Variants in DYRK1A observed in about 807,000 individuals in gnomAD.
DYRK1A encodes dual specificity tyrosine phosphorylation regulated kinase 1A, also known as dual specificity tyrosine-phosphorylation-regulated kinase 1A.
Under a neutral mutation model 79.7 loss-of-function variants are expected in DYRK1A, and 9 were observed. The ratio of observed to expected loss-of-function variants is 0.11; its 90% CI spans 0.07 to 0.20. The LOEUF is 0.20. DYRK1A is among the 10% of genes least tolerant of loss of function. DYRK1A has a pLI of 1.00. For missense variants in DYRK1A, 622 were observed against 956.0 expected (o/e 0.65, Z 4.61); for synonymous variants, 349 against 329.7 (o/e 1.06, Z -0.63).
At chr21:37,458,959 T>G (rs2051750001) in intron 2 of DYRK1A, among the ~76,000 whole-genome samples, 1 of 152,212 alleles carries the variant, frequency 6.6e-6, no homozygotes, top group Admixed American at 6.5e-5. Flanking sequence ...AGTCACTGAA[T>G]GTGCTTGCCG....
At chr21:37,422,092 A>G (rs2050491707) in intron 2 of DYRK1A, among the ~76,000 whole-genome samples, 1 of 152,180 alleles carries the variant, frequency 6.6e-6, no homozygotes, top group Non-Finnish European at 1.5e-5. Flanking sequence ...AGTTAATTTT[A>G]TGAATGCTAG....
At chr21:37,373,795 G>A (rs2049481638) in intron 1 of DYRK1A, among the ~76,000 whole-genome samples, 1 of 152,186 alleles carries the variant, frequency 6.6e-6, no homozygotes, top group Admixed American at 6.5e-5. Flanking sequence ...GTCTTTGATA[G>A]GTGACTATTT....
At chr21:37,390,043 C>T (rs546932663) in intron 1 of DYRK1A, among the ~76,000 whole-genome samples, 23 of 152,092 alleles carry the variant, frequency 1.5e-4, no homozygotes, top group Admixed American at 1.2e-3. Context: ...CCTGCCTCAG[C>T]CTCCCAAAGT....
chr21:37,366,201 GC>G (rs2049298792), upstream of DYRK1A: 2 of 150,890 alleles, frequency 1.3e-5, no homozygotes, highest in African/African-American at 4.9e-5. Context: ...AGCCCTCCAG[GC>G]CCGGGCGCGC....
At chr21:37,450,644 G>A (rs2051416705) in intron 2 of DYRK1A, among the ~76,000 whole-genome samples, 1 of 152,176 alleles carries the variant, frequency 6.6e-6, no homozygotes, top group South Asian at 2.1e-4. Context: ...TCTAGCCTTG[G>A]GCAGGGGTTT....
chr21:37,435,850 T>C (rs2050909006), intron 2 of DYRK1A, among the ~76,000 whole-genome samples: 1 of 152,228 alleles, frequency 6.6e-6, no homozygotes, highest in South Asian at 2.1e-4. Flanking sequence ...TCTTCTTCTG[T>C]TGAATTTGAA....
At chr21:37,490,057 CTT>C in intron 6 of DYRK1A, 116 bp from the exon 7 acceptor site, 1 of 1,073,228 alleles carries the variant, frequency 9.3e-7, no homozygotes, top group Non-Finnish European at 1.3e-6. Context: ...GATCTCCAAA[CTT>C]TAACTGAACT....
chr21:37,378,454 C>T (rs1440020046), intron 1 of DYRK1A, among the ~76,000 whole-genome samples: 1 of 152,200 alleles, frequency 6.6e-6, no homozygotes, highest in African/African-American at 2.4e-5. Context: ...ATTGCTTGAA[C>T]CTGGGAGGCG....
rs148783561 is a variant in DYRK1A at position 37,523,320 on chromosome 21, G to A, written c.*10789G>A. The A allele has an allele frequency of 1.8e-3, 269 of 152,498 alleles. 2 individuals are homozygous for A. Among genetic ancestry groups the A allele is most frequent in the Middle Eastern group, 3.4e-3 (1 of 294 alleles). The allele number at this position is 152,498 out of a possible 1,614,324, so 9.4% of individuals were successfully genotyped here. A position where few individuals can be genotyped will look rare whatever the true frequency, so the allele number is the denominator to read the frequency against. On this transcript the variant is annotated 3_prime_UTR_variant, in exon 12 of 12. Coordinates refer to ENST00000647188, the MANE Select transcript of DYRK1A (RefSeq NM_001347721.2). ...CCTCCCATTACGGGCAGGAGCCACT[G>A]CACACAGCTGATGAATTTTCGTTTA...
intron 2 of DYRK1A, among the ~76,000 whole-genome samples, chr21:37,471,267 A>G (rs1029119618): frequency 6.6e-6 from 1 of 152,228 alleles, no homozygotes; most frequent in Non-Finnish European, 1.5e-5. Context: ...AAGATTGGGC[A>G]GCTGTAAGGG....
chr21:37,379,144 T>C (rs1190261787), intron 1 of DYRK1A, among the ~76,000 whole-genome samples: 1 of 152,004 alleles, frequency 6.6e-6, no homozygotes, highest in Admixed American at 6.6e-5. Flanking sequence ...GTCTTAATAT[T>C]ATAAAGATAT....
intron 4 of DYRK1A, among the ~76,000 whole-genome samples, chr21:37,479,527 T>G (rs530324516): frequency 4.6e-5 from 7 of 151,650 alleles, no homozygotes; most frequent in African/African-American, 9.7e-5. Flanking sequence ...ACCAGTTACC[T>G]GGACTGTTTC....
At position 37,515,764 on chromosome 21, in the gene DYRK1A, A is replaced by C. The variant is rs2053873790; in HGVS notation, c.*3233A>C. 6.6e-6 allele frequency: 1 copy of C among 152,202 alleles called. No individual in the cohort carries two copies. The highest frequency in any genetic ancestry group is 1.5e-5 in the Non-Finnish European group (1 of 68,034). 9.4% of individuals were successfully genotyped at this position (152,202 alleles called of 1,614,324 possible). ...AGTTGAAGTTAACCACATGTAAGAA[A>C]GGAAAACTTCCATTAGTTTTCTTCT... On this transcript the variant is annotated 3_prime_UTR_variant, in exon 12 of 12. Transcript: ENST00000647188.
chr21:37,451,221 A>G (rs2051436775), intron 2 of DYRK1A, among the ~76,000 whole-genome samples: 1 of 152,202 alleles, frequency 6.6e-6, no homozygotes, highest in African/African-American at 2.4e-5. Flanking sequence ...AAGTTAATTT[A>G]TTACTGAAGA....
intron 1 of DYRK1A, among the ~76,000 whole-genome samples, chr21:37,371,700 A>C (rs748736610): frequency 6.6e-6 from 1 of 152,170 alleles, no homozygotes; most frequent in East Asian, 1.9e-4. Flanking sequence ...ATACATAGTG[A>C]GTAATAGCTT....
At chr21:37,377,772 G>T (rs1366659491) in intron 1 of DYRK1A, among the ~76,000 whole-genome samples, 1 of 152,254 alleles carries the variant, frequency 6.6e-6, no homozygotes, top group Non-Finnish European at 1.5e-5. Context: ...TGTTCTTAAT[G>T]GTCGGAAAGT....
intron 2 of DYRK1A, among the ~76,000 whole-genome samples, chr21:37,425,520 T>C (rs928737587): frequency 7.2e-5 from 11 of 152,110 alleles, no homozygotes; most frequent in African/African-American, 2.7e-4. Context: ...CATTGTAAAA[T>C]TGAATTTTTT....
At chr21:37,452,926 T>A (rs2051506838) in intron 2 of DYRK1A, among the ~76,000 whole-genome samples, 1 of 152,080 alleles carries the variant, frequency 6.6e-6, no homozygotes, top group South Asian at 2.1e-4. Context: ...GTAATTTAAA[T>A]TTTTCTAGGA....
At chr21:37,415,710 A>G (rs9974451) in intron 1 of DYRK1A, 28,310 of 151,398 alleles carry the variant, frequency 0.19, 2,895 homozygotes, top group East Asian at 0.36. Context: ...CAAGCGATCT[A>G]CCTCCCTCTG....
Sources: allele counts gnomAD v4.1 joint callset (sites outside exome capture counted in the v4.1 genomes callset), GRCh38; gene constraint gnomAD v4.1.1; transcripts MANE v1.5; gene names NCBI Gene and HGNC (gene_info 2026-07-23, HGNC 2026-07-21).